ACAP2: variants seen among roughly 807,000 people sequenced by gnomAD.
The protein encoded by ACAP2 is ArfGAP with coiled-coil, ankyrin repeat and PH domains 2.
ACAP2 carries 39 observed loss-of-function variants against 115.8 expected under a neutral mutation model. That is an observed-to-expected ratio of 0.34 (90% CI 0.26 to 0.44). ACAP2 has a LOEUF of 0.44. ACAP2 is among the 20% of genes least tolerant of loss of function. The pLI is 1.00. For synonymous variants in ACAP2, 289 were observed against 315.8 expected, an observed-to-expected ratio of 0.92 and a Z score of 0.90; for missense variants, 662 against 927.6, an observed-to-expected ratio of 0.71 and a Z score of 3.72.
chr3:195,387,518 G>C (rs1479846793), intron 2 of ACAP2, among the ~76,000 whole-genome samples: 1 of 152,144 alleles, frequency 6.6e-6, no homozygotes, highest in Non-Finnish European at 1.5e-5. Context: ...CAAAACAAAT[G>C]AGGGTTTTTT....
chr3:195,368,710 T>C (rs1281756285), intron 4 of ACAP2, among the ~76,000 whole-genome samples: 1 of 152,206 alleles, frequency 6.6e-6, no homozygotes. Flanking sequence ...TATTTATCAT[T>C]GGCTTTTGGT....
chr3:195,326,639 C>A (rs1729813178), intron 9 of ACAP2: 1 of 408,124 alleles, frequency 2.5e-6, no homozygotes, highest in Non-Finnish European at 4.5e-6. Flanking sequence ...TAGTTAAGTT[C>A]CTAAGAGATT....
At chr3:195,414,999 A>G (rs997101750) in intron 1 of ACAP2, among the ~76,000 whole-genome samples, 1 of 152,208 alleles carries the variant, frequency 6.6e-6, no homozygotes, top group Non-Finnish European at 1.5e-5. Context: ...GAATCAGTAA[A>G]GCCCAGAGAA....
intron 13 of ACAP2, among the ~76,000 whole-genome samples, chr3:195,304,726 G>A (rs374416081): frequency 3.7e-4 from 56 of 152,300 alleles, no homozygotes; most frequent in African/African-American, 1.1e-3. Flanking sequence ...AGATCAATGA[G>A]TCTTCTCTGG....
chr3:195,347,023 G>C (rs1027707512), intron 4 of ACAP2, among the ~76,000 whole-genome samples: 3 of 151,952 alleles, frequency 2.0e-5, no homozygotes, highest in Non-Finnish European at 4.4e-5. Context: ...TGGAACTGTT[G>C]TGCATCTTGA....
intron 1 of ACAP2, among the ~76,000 whole-genome samples, chr3:195,436,036 T>C (rs1715511887): frequency 6.6e-6 from 1 of 151,954 alleles, no homozygotes; most frequent in South Asian, 2.1e-4. Flanking sequence ...AGTGAATATA[T>C]ATTTATAGTC....
intron 4 of ACAP2, among the ~76,000 whole-genome samples, chr3:195,357,125 G>A (rs926907547): frequency 3.3e-5 from 5 of 151,780 alleles, no homozygotes; most frequent in East Asian, 2.0e-4. Flanking sequence ...CAGGAATGGC[G>A]ACATTCATGA....
intron 1 of ACAP2, among the ~76,000 whole-genome samples, chr3:195,425,144 T>C (rs1413940255): frequency 2.0e-5 from 3 of 150,888 alleles, no homozygotes; most frequent in Non-Finnish European, 4.4e-5. Flanking sequence ...TGTGTCAAAA[T>C]GTTTGTGAAA....
intron 13 of ACAP2, among the ~76,000 whole-genome samples, chr3:195,306,275 G>A (rs565252879): frequency 3.7e-4 from 57 of 152,128 alleles, no homozygotes; most frequent in African/African-American, 1.2e-3. Context: ...ACCTTATTCC[G>A]ATCTGGTTCA....
chr3:195,332,769 A>G (rs1342808568), intron 8 of ACAP2, among the ~76,000 whole-genome samples: 2 of 152,044 alleles, frequency 1.3e-5, no homozygotes, highest in Non-Finnish European at 2.9e-5. Context: ...TCCTGCGTTC[A>G]TTCTCCCCTC....
At chr3:195,439,927 CAA>C (rs1259486241) in intron 1 of ACAP2, among the ~76,000 whole-genome samples, 1 of 151,970 alleles carries the variant, frequency 6.6e-6, no homozygotes, top group African/African-American at 2.4e-5. Context: ...GTGTTCAGCC[CAA>C]GAGTATGTTT....
At chr3:195,392,043 C>T in intron 2 of ACAP2, 47 bp downstream of exon 2, 1 of 1,490,768 alleles carries the variant, frequency 6.7e-7, no homozygotes, top group Non-Finnish European at 9.3e-7. Flanking sequence ...TCATTATTTA[C>T]AGCAAACGAG....
At chr3:195,399,654 T>A (rs1712104003) in intron 1 of ACAP2, among the ~76,000 whole-genome samples, 1 of 151,342 alleles carries the variant, frequency 6.6e-6, no homozygotes, top group South Asian at 2.1e-4. Context: ...TCCCCTCAAA[T>A]TTTCCCCCAT....
At chr3:195,328,949 G>A (rs945593592) in intron 8 of ACAP2, among the ~76,000 whole-genome samples, 13 of 151,774 alleles carry the variant, frequency 8.6e-5, no homozygotes, top group African/African-American at 2.4e-4. Flanking sequence ...GCGTGGTGGC[G>A]GGCGCCTGTG....
intron 6 of ACAP2, among the ~76,000 whole-genome samples, chr3:195,337,285 C>T (rs1730567105): frequency 6.6e-6 from 1 of 152,104 alleles, no homozygotes; most frequent in Admixed American, 6.6e-5. Context: ...TATCTAATTG[C>T]TCATCAAAGT....
rs1716139394 is a variant in ACAP2, at chr3:195,442,974, C to G, written c.-127G>C. The G allele has an allele frequency of 2.4e-6, 2 of 832,380 alleles. No individual in the cohort carries two copies. Among genetic ancestry groups the G allele is most frequent in the African/African-American group, 1.8e-5 (1 of 54,780 alleles). 51.6% of individuals were successfully genotyped at this position (832,380 alleles called of 1,614,324 possible). A position where few individuals can be genotyped will look rare whatever the true frequency, so the allele number is the denominator to read the frequency against. On this transcript the variant is annotated 5_prime_UTR_variant, in exon 1 of 23. Transcript: ENST00000326793. Reference sequence around the variant, plus strand: ...CGTTGCGCGGAGCTGCGAAGGGCGCCTCGCCCGCTGGTCATAGCAGCCGCG... The same window carrying G: ...CGTTGCGCGGAGCTGCGAAGGGCGCGTCGCCCGCTGGTCATAGCAGCCGCG...
At chr3:195,281,837 A>C (rs946144128) in intron 22 of ACAP2, among the ~76,000 whole-genome samples, 2 of 152,264 alleles carry the variant, frequency 1.3e-5, no homozygotes, top group African/African-American at 4.8e-5. Flanking sequence ...CAGATGTTGA[A>C]TTAAAATATG....
intron 4 of ACAP2, among the ~76,000 whole-genome samples, chr3:195,370,952 C>CAAAAA (rs35365512): frequency 9.6e-6 from 1 of 104,330 alleles, no homozygotes; most frequent in South Asian, 2.8e-4. Context: ...AACTCTGTCT[C>CAAAAA]AAAAAAAAAA....
At chr3:195,312,485 G>C (rs1261193019) in intron 10 of ACAP2, among the ~76,000 whole-genome samples, 1 of 150,946 alleles carries the variant, frequency 6.6e-6, no homozygotes, top group Non-Finnish European at 1.5e-5. Context: ...ATTTTTTTTA[G>C]AGACAGGGCC....
Sources: allele counts gnomAD v4.1 joint callset (sites outside exome capture counted in the v4.1 genomes callset), GRCh38; gene constraint gnomAD v4.1.1; transcripts MANE v1.5; gene names NCBI Gene and HGNC (gene_info 2026-07-23, HGNC 2026-07-21).